NEK1: variants seen among roughly 807,000 people sequenced by gnomAD.
The protein encoded by NEK1 is serine/threonine-protein kinase Nek1.
In NEK1, 137 loss-of-function variants were observed where a neutral mutation model predicts 182.1. The observed-to-expected ratio is 0.75, with a 90% CI of 0.65 to 0.87. The LOEUF (loss-of-function observed/expected upper bound fraction) is 0.87, where lower values mean the gene tolerates loss of function less well. NEK1 is among the 40% of genes least tolerant of loss of function. NEK1 has a pLI of 0.00. For missense variants in NEK1, 1,391 were observed against 1,494.4 expected, an observed-to-expected ratio of 0.93 and a Z score of 1.14; for synonymous variants, 513 against 492.2, an observed-to-expected ratio of 1.04 and a Z score of -0.56.
At position 169,553,608 on chromosome 4, in the gene NEK1, T is replaced by A. The variant is rs544292005; in HGVS notation, c.1562+2112A>T. On this transcript the variant is annotated intron_variant, in intron 18 of 35. Transcript: ENST00000507142. ...AAAAAGAAAATATCTGCCAAAGACA[T>A]ACCTGATAAAGGACTGTTAAATAAA... 7.2e-5 allele frequency among the ~76,000 whole-genome samples: 11 copies of A among 152,268 alleles called. No individual in the cohort carries two copies. In the South Asian group the frequency reaches 1.2e-3, roughly 17 times the overall value.
intron 27 of NEK1, among the ~76,000 whole-genome samples, chr4:169,458,556 C>T (rs1182311098): frequency 6.6e-6 from 1 of 151,984 alleles, no homozygotes; most frequent in Admixed American, 6.6e-5. Context: ...GGAGAAACAC[C>T]ATCTCTACAA....
chr4:169,395,533 C>T (rs144766719), intron 35 of NEK1, among the ~76,000 whole-genome samples: 62 of 152,324 alleles, frequency 4.1e-4, no homozygotes, highest in South Asian at 1.5e-3. Context: ...GAAGACCTAT[C>T]CTGTCACCAT....
In NEK1 at chr4:169,576,995, G is replaced by C. The variant is rs745711143; in HGVS notation, c.953C>G (p.Pro318Arg). ...ITKPAAKYGIPLAYKKYGDKK... is the reference protein window; with the variant it reads ...ITKPAAKYGIRLAYKKYGDKK... ...ATCTCCATATTTCTTATATGCTAAA[G>C]GTATTCCATATTTAGCGGCAGGCTT... The change falls in exon 12 of 36, where the codon CCT (proline) becomes CGT (arginine). Residue 318 changes from proline (P) to arginine (R), a missense_variant. Around this residue, in one of 5 missense-constraint regions of NEK1, gnomAD observed 1,216 missense variants for 1,277.6 expected, o/e 0.95. Coordinates refer to ENST00000507142, the MANE Select transcript of NEK1 (RefSeq NM_001199397.3). 1 of 1,611,598 alleles carries C rather than the reference G, an allele frequency of 6.2e-7. No individual in the cohort carries two copies.
At position 169,412,738 on chromosome 4, in the gene NEK1, A is replaced by C. The variant is rs544604802; in HGVS notation, c.3223-5991T>G. 3.9e-5 allele frequency among the ~76,000 whole-genome samples: 6 copies of C among 152,312 alleles called. No individual in the cohort carries two copies. In the East Asian group the frequency reaches 5.8e-4, roughly 15 times the overall value. ...CTTTGCCTTATGATACTTTTAGGGA[A>C]GAAAAATATCCTGACTCTGGGAATT... On this transcript the variant is annotated intron_variant, in intron 31 of 35. Coordinates refer to ENST00000507142, the MANE Select transcript of NEK1 (RefSeq NM_001199397.3).
chr4:169,490,915 G>A (rs750552228), intron 23 of NEK1, among the ~76,000 whole-genome samples: 15 of 152,078 alleles, frequency 9.9e-5, no homozygotes, highest in South Asian at 4.2e-4. Flanking sequence ...AGGCCAAGGC[G>A]GGAGGATCAC....
intron 23 of NEK1, among the ~76,000 whole-genome samples, chr4:169,488,644 T>G (rs1749488815): frequency 6.6e-6 from 1 of 152,176 alleles, no homozygotes; most frequent in Non-Finnish European, 1.5e-5. Flanking sequence ...ATACGTGGTT[T>G]TACTGAAGAA....
chr4:169,541,462 C>G (rs1048195334), intron 18 of NEK1, among the ~76,000 whole-genome samples: 1 of 151,950 alleles, frequency 6.6e-6, no homozygotes, highest in African/African-American at 2.4e-5. Context: ...GTCAGAGTTA[C>G]TGATAAGAAA....
chr4:169,573,779 T>C (rs923794154), intron 12 of NEK1, among the ~76,000 whole-genome samples: 2 of 152,210 alleles, frequency 1.3e-5, no homozygotes, highest in African/African-American at 4.8e-5. Context: ...AAAGAGTTGT[T>C]ATTATTGATA....
intron 32 of NEK1, 97 bp from the exon 33 acceptor site, chr4:169,401,957 C>G (rs749950842): frequency 1.8e-4 from 176 of 1,004,782 alleles, no homozygotes; most frequent in Non-Finnish European, 2.4e-4. Flanking sequence ...TACTTCTACT[C>G]AATACGTAGG....
intron 27 of NEK1, among the ~76,000 whole-genome samples, chr4:169,441,811 C>A (rs1172223233): frequency 6.6e-6 from 1 of 152,064 alleles, no homozygotes; most frequent in Non-Finnish European, 1.5e-5. Context: ...CATAAACTGC[C>A]TGCACATGCA....
rs377607698 is a variant in NEK1, at chr4:169,424,635, G to A, written c.3140C>T (p.Ser1047Leu). The A allele has an allele frequency of 5.6e-5, 90 of 1,613,512 alleles. No homozygotes were observed. Among genetic ancestry groups the A allele is most frequent in the Non-Finnish European group, 7.3e-5 (86 of 1,179,684 alleles). Residue 1047 changes from serine (S) to leucine (L), a missense_variant, in exon 31 of 36, where the codon TCG (serine) becomes TTG (leucine). Ser to Leu is a moderately radical substitution (Grantham distance 145). Coordinates refer to ENST00000507142, the MANE Select transcript of NEK1 (RefSeq NM_001199397.3). ...PEESFAFRSH[S>L]HLPPKNKNKN... ...GTTTTTATTTTTTGGTGGTAAATGC[G>A]AGTGAGATCGAAATGCAAAGGATTC...
chr4:169,532,562 T>C (rs1167076110), intron 19 of NEK1, among the ~76,000 whole-genome samples: 1 of 152,116 alleles, frequency 6.6e-6, no homozygotes, highest in Non-Finnish European at 1.5e-5. Flanking sequence ...GCTACACATA[T>C]GTGGAGGCAT....
chr4:169,603,278 G>C (rs72974775), intron 2 of NEK1, among the ~76,000 whole-genome samples: 18,573 of 151,992 alleles, frequency 0.12, 1,263 homozygotes, highest in East Asian at 0.17. Flanking sequence ...CATTAACACT[G>C]GTTATTATTA....
At chr4:169,577,127 C>T in intron 11 of NEK1, 48 bp from the exon 12 acceptor site, 1 of 1,570,510 alleles carries the variant, frequency 6.4e-7, no homozygotes, top group Non-Finnish European at 8.7e-7. Context: ...TTTACATTAA[C>T]TCTTTACTTT....
At chr4:169,545,327 G>C (rs1202849495) in intron 18 of NEK1, among the ~76,000 whole-genome samples, 1 of 151,424 alleles carries the variant, frequency 6.6e-6, no homozygotes, top group Non-Finnish European at 1.5e-5. Context: ...TCTTGCGATA[G>C]TTTACTGAGA....
chr4:169,596,967 G>A (rs1054561003), intron 5 of NEK1, among the ~76,000 whole-genome samples: 2 of 151,892 alleles, frequency 1.3e-5, no homozygotes, highest in East Asian at 1.9e-4. Context: ...TTTCCAGGAA[G>A]ACAAGATACA....
At chr4:169,482,961 G>C (rs539723320) in intron 23 of NEK1, among the ~76,000 whole-genome samples, 1 of 152,174 alleles carries the variant, frequency 6.6e-6, no homozygotes, top group Admixed American at 6.5e-5. Flanking sequence ...ATTTCCTTCA[G>C]GAACTTTTCC....
Position 169,551,232 on chromosome 4 carries a change from C to T in NEK1, c.1562+4488G>A, listed in dbSNP as rs570281036. Among the ~76,000 whole-genome samples, 6 of 152,168 alleles carry T rather than the reference C, an allele frequency of 3.9e-5. No homozygotes were observed. The South Asian group carries it at 1.2e-3, about 32-fold the overall frequency. ...TCCTAAGAAGTTATTAATACTGGCC[C>T]AGGGGCAATAAAACAGGCACTATCA... is the stretch of plus-strand genomic sequence containing the variant. On this transcript the variant is annotated intron_variant, in intron 18 of 35. Coordinates refer to ENST00000507142, the MANE Select transcript of NEK1 (RefSeq NM_001199397.3).
At chr4:169,451,188 G>A (rs1741683566) in intron 27 of NEK1, among the ~76,000 whole-genome samples, 1 of 152,116 alleles carries the variant, frequency 6.6e-6, no homozygotes, top group Admixed American at 6.5e-5. Context: ...ATAATAATGG[G>A]AGACTTTAAC....
Sources: gnomAD v4.1 joint callset for allele counts (sites outside exome capture counted in the v4.1 genomes callset) on GRCh38, gnomAD v4.1.1 for gene constraint, gnomAD v4.1.1 regional missense constraint, MANE v1.5 for transcripts, NCBI Gene and HGNC (gene_info 2026-07-23, HGNC 2026-07-21) for gene names.